The following DOP1A variants were observed in gnomAD, a reference collection of about 807,000 sequenced individuals.
DOP1A encodes the protein DOP1 leucine zipper like protein A, also known as protein DOP1A.
In DOP1A, 90 loss-of-function variants were observed where a neutral mutation model predicts 267.6. The observed-to-expected ratio is 0.34, with a 90% CI of 0.28 to 0.40. The LOEUF (loss-of-function observed/expected upper bound fraction) is 0.40, where lower values mean the gene tolerates loss of function less well. DOP1A is among the 10% of genes least tolerant of loss of function. The probability of loss-of-function intolerance (pLI) is 1.00; values close to 1 mark genes in which losing one functional copy is unlikely to be tolerated. For missense variants in DOP1A, 2,437 were observed against 2,900.4 expected, an observed-to-expected ratio of 0.84 and a Z score of 3.67; for synonymous variants, 932 against 999.1, an observed-to-expected ratio of 0.93 and a Z score of 1.27.
Position 83,153,629 on chromosome 6 carries a change from ATTAT to A in DOP1A, c.6239+13_6239+16del. 1.3e-6 allele frequency: 2 copies of A among 1,549,830 alleles called. No homozygotes were observed. The highest frequency in any genetic ancestry group is 1.7e-6 in the Non-Finnish European group (2 of 1,143,116). On this transcript the variant is annotated intron_variant, in intron 31 of 38. Coordinates refer to ENST00000349129, the MANE Select transcript of DOP1A (RefSeq NM_015018.4). ...TACCTCAGAAATCACAGGTACTATC[ATTAT>A]TTAAATAGTTTTTAAAATTAATTCA...
downstream of DOP1A, chr6:83,169,249 G>C (rs778716524): frequency 1.6e-5 from 26 of 1,613,994 alleles, 1 homozygote; most frequent in South Asian, 2.6e-4. Context: ...AACCTGGTTG[G>C]GGCCTTTCTC....
intron 4 of DOP1A, among the ~76,000 whole-genome samples, chr6:83,105,041 T>C (rs753151339): frequency 6.6e-6 from 1 of 152,194 alleles, no homozygotes; most frequent in African/African-American, 2.4e-5. Context: ...TCTTCTCTGC[T>C]GTAACATTTA....
intron 24 of DOP1A, 120 bp downstream of exon 24, chr6:83,142,166 C>G (rs1583082721): frequency 4.0e-6 from 5 of 1,235,590 alleles, no homozygotes; most frequent in Non-Finnish European, 5.6e-6. Flanking sequence ...AAAAGTCTGT[C>G]GACAGCTTTA....
chr6:83,156,070 G>C lies in DOP1A; in HGVS notation c.6571G>C (p.Asp2191His). Residue 2191 changes from aspartate to histidine, a missense_variant, in exon 34 of 39, where the codon GAC becomes CAC. Asp to His is a moderately conservative substitution (Grantham distance 81, BLOSUM62 -1). Transcript: ENST00000349129. The stretch of plus-strand genomic sequence containing the variant: ...ATTTGCTATTTTTAGCAGTGAAATT[G>C]ACCAGTACCAGAAATATCTTCCAGA... ...LAFAIFSSEIDQYQKYLPDIQ... is the reference protein window; with the variant it reads ...LAFAIFSSEIHQYQKYLPDIQ... The C allele has an allele frequency of 1.2e-6, 2 of 1,613,790 alleles. No homozygotes were observed. Among genetic ancestry groups the C allele is most frequent in the Non-Finnish European group, 1.7e-6 (2 of 1,179,852 alleles).
intron 24 of DOP1A, among the ~76,000 whole-genome samples, chr6:83,143,728 G>A (rs888734617): frequency 6.6e-6 from 1 of 152,028 alleles, no homozygotes; most frequent in Non-Finnish European, 1.5e-5. Flanking sequence ...CGGAAAATAC[G>A]AGAAAAGAGA....
chr6:83,133,429 A>T (rs1778377479), intron 18 of DOP1A, among the ~76,000 whole-genome samples: 1 of 152,120 alleles, frequency 6.6e-6, no homozygotes. Flanking sequence ...CCCATAGAAA[A>T]AACAAGCATG....
intron 29 of DOP1A, 85 bp from the exon 30 acceptor site, chr6:83,152,203 A>T: frequency 3.9e-6 from 3 of 769,346 alleles, no homozygotes; most frequent in Non-Finnish European, 5.8e-6. Flanking sequence ...ATACATATAT[A>T]AAAATAATAC....
At chr6:83,125,237 A>G (rs1263157469) in intron 14 of DOP1A, 42 bp downstream of exon 14, 1 of 1,533,884 alleles carries the variant, frequency 6.5e-7, no homozygotes, top group African/African-American at 1.4e-5. Flanking sequence ...GATTCTATTT[A>G]CTTTTGTTAT....
intron 30 of DOP1A, 185 bp from the exon 31 acceptor site, chr6:83,153,326 A>T: frequency 2.3e-6 from 1 of 426,400 alleles, no homozygotes; most frequent in Non-Finnish European, 4.1e-6. Flanking sequence ...TATATCCTAT[A>T]GTAACAATGT....
intron 3 of DOP1A, among the ~76,000 whole-genome samples, chr6:83,100,210 A>G (rs913643802): frequency 1.6e-4 from 25 of 152,302 alleles, no homozygotes; most frequent in African/African-American, 5.1e-4. Context: ...AATCTCATGT[A>G]GATTTTCTTA....
rs201081308 is a variant in DOP1A, at chr6:83,152,001, G to T, written c.6023G>T (p.Gly2008Val). The T allele has an allele frequency of 3.7e-6, 6 of 1,613,852 alleles. No homozygotes were observed. The highest frequency in any genetic ancestry group is 4.2e-6 in the Non-Finnish European group (5 of 1,179,916). ...CCTTCTCCCAAAATAATGGTAGATG[G>T]AACCAATTTGGAATCTGATGTTGAA... ...VKPSPKIMVD[G>V]TNLESDVEDM... The change falls in exon 29 of 39, where the codon GGA becomes GTA. Residue 2008 changes from glycine (G) to valine (V), a missense_variant. Coordinates refer to ENST00000349129, the MANE Select transcript of DOP1A (RefSeq NM_015018.4).
chr6:83,150,300 T>C (rs146254973), intron 27 of DOP1A, among the ~76,000 whole-genome samples: 8 of 152,298 alleles, frequency 5.3e-5, no homozygotes, highest in African/African-American at 1.7e-4. Context: ...AGGGAATGTA[T>C]GTACAGGTGT....
intron 4 of DOP1A, among the ~76,000 whole-genome samples, chr6:83,106,401 A>G (rs1413487059): frequency 2.6e-5 from 4 of 152,234 alleles, no homozygotes; most frequent in Non-Finnish European, 5.9e-5. Flanking sequence ...ACCTAGGTAC[A>G]TTGTAAATAA....
At chr6:83,076,035 G>A (rs926811753) in intron 1 of DOP1A, among the ~76,000 whole-genome samples, 1 of 152,176 alleles carries the variant, frequency 6.6e-6, no homozygotes, top group Non-Finnish European at 1.5e-5. Context: ...GTACAAGAGA[G>A]TGAAAAAGCA....
chr6:83,128,359 T>C (rs1049667636), intron 15 of DOP1A, among the ~76,000 whole-genome samples: 4 of 152,242 alleles, frequency 2.6e-5, no homozygotes, highest in African/African-American at 7.2e-5. Context: ...TTATAAAATA[T>C]TCCTTTTATT....
chr6:83,155,962 G>A lies in DOP1A; in HGVS notation c.6463G>A (p.Val2155Met). 1 of 1,611,488 alleles carries A rather than the reference G, an allele frequency of 6.2e-7. No homozygotes were observed. Among genetic ancestry groups the A allele is most frequent in the Non-Finnish European group, 8.5e-7 (1 of 1,179,326 alleles). ...ACTTGCTTTTTCAGCTCGTGTAGCA[G>A]TGGCTCAAAGCAGTTCACTTAATCT... ...TFRDLMTRVA[V>M]AQSSSLNLFA... The change falls in exon 34 of 39, where the codon GTG becomes ATG. Residue 2155 changes from valine (V) to methionine (M), a missense_variant. Physicochemically the swap from Val to Met is conservative, Grantham distance 21. Coordinates refer to ENST00000349129, the MANE Select transcript of DOP1A (RefSeq NM_015018.4).
At chr6:83,143,039 T>C (rs959837839) in intron 24 of DOP1A, among the ~76,000 whole-genome samples, 1 of 152,210 alleles carries the variant, frequency 6.6e-6, no homozygotes, top group Admixed American at 6.5e-5. Flanking sequence ...TTATTTTGCA[T>C]GTGAAGATTC....
At chr6:83,082,181 A>T (rs899850594) in intron 1 of DOP1A, among the ~76,000 whole-genome samples, 1 of 152,216 alleles carries the variant, frequency 6.6e-6, no homozygotes, top group Non-Finnish European at 1.5e-5. Context: ...GTATATATCC[A>T]AAGAAAATGA....
downstream of DOP1A, chr6:83,169,798 T>C (rs1411066598): frequency 4.4e-6 from 2 of 457,486 alleles, no homozygotes; most frequent in Admixed American, 2.3e-5. Flanking sequence ...AAGGAGTATG[T>C]GAAGAGGCCA....
Sources: gnomAD v4.1 joint callset for allele counts (sites outside exome capture counted in the v4.1 genomes callset) on GRCh38, gnomAD v4.1.1 for gene constraint, MANE v1.5 for transcripts, NCBI Gene and HGNC (gene_info 2026-07-23, HGNC 2026-07-21) for gene names.